CELSR2: variants seen among roughly 807,000 people sequenced by gnomAD.
The protein encoded by CELSR2 is EGF-like protein 2.
A neutral mutation model predicts 251.6 loss-of-function variants in CELSR2; 81 were observed. The observed-to-expected ratio is 0.32, with a 90% confidence interval of 0.27 to 0.39. The LOEUF (loss-of-function observed/expected upper bound fraction) is 0.39. Ranked by LOEUF, CELSR2 falls within the 10% of genes least tolerant of loss-of-function variation. CELSR2 has a pLI of 1.00. For synonymous variants in CELSR2, 1,721 were observed against 1,670.5 expected, an observed-to-expected ratio of 1.03 and a Z score of -0.74; for missense variants, 3,365 against 3,947.7, an observed-to-expected ratio of 0.85 and a Z score of 3.96.
rs1039617070 is a variant in CELSR2 at position 109,275,352 on chromosome 1, C to G, written c.*1303C>G. On this transcript the variant is annotated 3_prime_UTR_variant, in exon 34 of 34. Coordinates refer to ENST00000271332, the MANE Select transcript of CELSR2 (RefSeq NM_001408.3). Reference sequence around the variant, plus strand: ...ATCATCTCCCCACCTCTCCTCCCCTCTCCTCAGTTTTGCCGACTGCTTTTC... The same window carrying G: ...ATCATCTCCCCACCTCTCCTCCCCTGTCCTCAGTTTTGCCGACTGCTTTTC... 1 of 152,314 alleles carries G rather than the reference C, an allele frequency of 6.6e-6. No individual in the cohort carries two copies. The highest frequency in any genetic ancestry group is 1.5e-5 in the Non-Finnish European group (1 of 68,074). 9.4% of individuals were successfully genotyped at this position (152,314 alleles called of 1,614,324 possible).
chr1:109,262,753 G>A (rs899258854), intron 6 of CELSR2, 53 bp from the exon 7 acceptor site: 7 of 1,591,148 alleles, frequency 4.4e-6, no homozygotes, highest in Non-Finnish European at 6.0e-6. Context: ...AGCGAGCGGA[G>A]GACCAGAAGC....
Position 109,258,544 on chromosome 1 carries a change from C to T in CELSR2, c.3423C>T (p.Phe1141=). Residue 1141 remains phenylalanine, a synonymous_variant, in exon 2 of 34, where the codon TTC becomes TTT. Coordinates refer to ENST00000271332, the MANE Select transcript of CELSR2 (RefSeq NM_001408.3). ...LRLEDMSPER[F]LSPLLGLFIQ... is the part of the protein sequence containing the mutation. ...TGGAGGACATGTCACCCGAGCGCTT[C>T]CTGTCACCACTGCTAGGCCTCTTCA... 5 of 1,605,276 alleles carry T rather than the reference C, an allele frequency of 3.1e-6. No individual in the cohort carries two copies. Among genetic ancestry groups the T allele is most frequent in the Non-Finnish European group, 4.3e-6 (5 of 1,176,324 alleles).
intron 6 of CELSR2, 70 bp from the exon 7 acceptor site, chr1:109,262,736 G>A: frequency 6.3e-7 from 1 of 1,576,766 alleles, no homozygotes. Flanking sequence ...CTCTGGCCTG[G>A]CGGCAGAGCG....
rs759154446 is a variant in CELSR2, at chr1:109,250,505, G to T, written c.426G>T (p.Arg142=). ...AGCACCCGTGCTTAAAGGCTCCACG[G>T]CTCAGATGCCAGTCCTGCAAGCTGG... is the stretch of plus-strand genomic sequence containing the variant. The part of the protein sequence containing the change: ...PEEHPCLKAP[R]LRCQSCKLAQ... The change falls in exon 1 of 34, where the codon CGG becomes CGT. Residue 142 remains arginine, a synonymous_variant. Transcript: ENST00000271332. The surrounding 1 kb of genome is among the most constrained non-coding windows in gnomAD (Gnocchi z 4.4). 1 of 1,613,820 alleles carries T rather than the reference G, an allele frequency of 6.2e-7. No homozygotes were observed. The highest frequency in any genetic ancestry group is 8.5e-7 in the Non-Finnish European group (1 of 1,180,028).
rs199953383 is a variant in CELSR2 at position 109,271,497 on chromosome 1, C to G, written c.7788C>G (p.Thr2596=). Residue 2596 remains threonine, a synonymous_variant, in exon 27 of 34, where the codon ACC becomes ACG. Coordinates refer to ENST00000271332, the MANE Select transcript of CELSR2 (RefSeq NM_001408.3). ...DTLLFHYLFA[T]CNCIQGPFIF... is the part of the protein sequence containing the mutation. Reference sequence around the variant, plus strand: ...TCCTCTTCCACTACCTCTTTGCTACCTGCAATTGCATCCAGGTACCTGGCC... The same window carrying G: ...TCCTCTTCCACTACCTCTTTGCTACGTGCAATTGCATCCAGGTACCTGGCC... The G allele has an allele frequency of 9.0e-5, 145 of 1,614,084 alleles. No homozygotes were observed. In the Middle Eastern group the frequency reaches 1.2e-3, roughly 13 times the overall value.
In CELSR2 at chr1:109,270,408, C is replaced by G. The variant is rs375276801; in HGVS notation, c.7309-18C>G. 3.7e-6 allele frequency: 6 copies of G among 1,613,670 alleles called. No individual in the cohort carries two copies. The African/African-American group carries it at 6.7e-5, about 18-fold the overall frequency. On this transcript the variant is annotated intron_variant, in intron 23 of 33. Coordinates refer to ENST00000271332, the MANE Select transcript of CELSR2 (RefSeq NM_001408.3). ...GGGCGGGCCCCGGTCGCTGACCTGC[C>G]CTGGCCTGGGCCCTCAGTTTGCCTG...
At chr1:109,268,847 A>T (rs1232361848) in intron 18 of CELSR2, 33 bp from the exon 19 acceptor site, 3 of 1,587,030 alleles carry the variant, frequency 1.9e-6, no homozygotes, top group African/African-American at 2.7e-5. Context: ...TGCCTGCCTC[A>T]CAGGTCCGAT....
rs1350560808 is a variant in CELSR2, at chr1:109,270,035, C to T, written c.7210C>T (p.Leu2404=). Residue 2404 remains leucine, a synonymous_variant, in exon 23 of 34, where the codon CTG becomes TTG. Coordinates refer to ENST00000271332, the MANE Select transcript of CELSR2 (RefSeq NM_001408.3). ...TFFFLTLLRI[L]RSNQHGIRRN... is the part of the protein sequence containing the mutation. ...CTTCTTCCTCACTCTCTTGCGTATC[C>T]TGCGCTCCAACCAACACGGCATCCG... 6.2e-7 allele frequency: 1 copy of T among 1,614,134 alleles called. No individual in the cohort carries two copies. Among genetic ancestry groups the T allele is most frequent in the Non-Finnish European group, 8.5e-7 (1 of 1,180,032 alleles).
intron 6 of CELSR2, 111 bp downstream of exon 6, chr1:109,262,555 C>G: frequency 7.0e-7 from 1 of 1,436,788 alleles, no homozygotes; most frequent in Non-Finnish European, 9.3e-7. Flanking sequence ...CTCTCTTAGC[C>G]CCTGCTCAGC....
chr1:109,256,762 C>T (rs1431206251), intron 1 of CELSR2, among the ~76,000 whole-genome samples: 2 of 152,182 alleles, frequency 1.3e-5, no homozygotes, highest in African/African-American at 2.4e-5. Flanking sequence ...CTGCCTCAGC[C>T]TCCTGAGTAT....
chr1:109,273,803 C>G, intron 33 of CELSR2, 133 bp downstream of exon 33: 1 of 968,140 alleles, frequency 1.0e-6, no homozygotes, highest in Admixed American at 2.5e-5. Flanking sequence ...TGGCCCAGCT[C>G]CCTTACTATG....
At position 109,271,239 on chromosome 1, in the gene CELSR2, T is replaced by A; in HGVS notation, c.7619T>A (p.Leu2540Gln). 2.5e-6 allele frequency: 4 copies of A among 1,614,054 alleles called. No homozygotes were observed. In the South Asian group the frequency reaches 4.4e-5, roughly 18 times the overall value. Residue 2540 changes from leucine (L) to glutamine (Q), a missense_variant, in exon 26 of 34, where the codon CTG (leucine) becomes CAG (glutamine). This residue lies in a region of CELSR2 where 2,093 missense variants were observed against 2,382.8 expected (regional missense o/e 0.88). Coordinates refer to ENST00000271332, the MANE Select transcript of CELSR2 (RefSeq NM_001408.3). ...AVSMSVFLYI[L>Q]AARASCAAQR... ...TAGATGAGTGTCTTCCTGTACATCC[T>A]GGCGGCCCGGGCCTCCTGTGCTGCC...
chr1:109,265,147 G>A, intron 12 of CELSR2, 44 bp from the exon 13 acceptor site: 1 of 1,581,260 alleles, frequency 6.3e-7, no homozygotes, highest in Non-Finnish European at 8.6e-7. Context: ...GGTTAGGTGG[G>A]AGTGGCAGGG....
Position 109,266,126 on chromosome 1 carries a change from G to A in CELSR2, c.5933G>A (p.Arg1978Gln), listed in dbSNP as rs753007677. The change falls in exon 15 of 34, where the codon CGA (arginine) becomes CAA (glutamine). Residue 1978 changes from arginine (R) to glutamine (Q), a missense_variant. Coordinates refer to ENST00000271332, the MANE Select transcript of CELSR2 (RefSeq NM_001408.3). ...GCEVNYDSCP[R>Q]AIEAGIWWPR... is the part of the protein sequence containing the mutation. ...GCAGTGAATTATGACAGCTGCCCAC[G>A]AGCGATTGAGGCTGGGATCTGGTGG... The A allele has an allele frequency of 7.4e-6, 12 of 1,614,092 alleles. No homozygotes were observed. In the Admixed American group the frequency reaches 1.2e-4, roughly 16 times the overall value.
At position 109,262,941 on chromosome 1, in the gene CELSR2, C is replaced by T. The variant is rs569854905; in HGVS notation, c.4680C>T (p.Asp1560=). The change falls in exon 7 of 34, where the codon GAC becomes GAT. Residue 1560 remains aspartate (D), a synonymous_variant. Transcript: ENST00000271332. ...QVDSRHIDMA[D]FIANNGTVPG... Reference sequence around the variant, plus strand: ...ACAGCCGGCACATAGACATGGCTGACTTCATTGCCAACAATGGCACCGTGC... The same window carrying T: ...ACAGCCGGCACATAGACATGGCTGATTTCATTGCCAACAATGGCACCGTGC... 2.9e-5 allele frequency: 47 copies of T among 1,613,722 alleles called. No homozygotes were observed. In the Admixed American group the frequency reaches 5.2e-4, roughly 18 times the overall value.
In CELSR2 at chr1:109,251,264, T is replaced by C. The variant is rs754271169; in HGVS notation, c.1185T>C (p.Asn395=). The C allele has an allele frequency of 1.4e-5, 22 of 1,613,872 alleles. No homozygotes were observed. The highest frequency in any genetic ancestry group is 6.7e-5 in the Admixed American group (4 of 60,008). ...TTTCTGTGGAGGATGACAATGATAATGCCCCCCAGTTTAGTGAGAAGCGCT... is the reference window on the plus strand; with the variant it reads ...TTTCTGTGGAGGATGACAATGATAACGCCCCCCAGTTTAGTGAGAAGCGCT... ...VFLSVEDDND[N]APQFSEKRYV... The change falls in exon 1 of 34, where the codon AAT becomes AAC. Residue 395 remains asparagine (N), a synonymous_variant. Transcript: ENST00000271332. The surrounding 1 kb of genome is among the most constrained non-coding windows in gnomAD (Gnocchi z 4.9).
In CELSR2 at chr1:109,271,680, C is replaced by A. The variant is rs762366896; in HGVS notation, c.7884C>A (p.Pro2628=). The A allele has an allele frequency of 4.3e-6, 7 of 1,614,038 alleles. No homozygotes were observed. The highest frequency in any genetic ancestry group is 5.9e-6 in the Non-Finnish European group (7 of 1,180,050). ...KALKLACSRK[P]SPDPALTTKS... ...TCAAGCTTGCCTGCAGCCGCAAGCC[C>A]AGCCCTGACCCTGCTCTGACCACCA... is the stretch of plus-strand genomic sequence containing the variant. The change falls in exon 28 of 34, where the codon CCC becomes CCA. Residue 2628 remains proline (P), a synonymous_variant. Coordinates refer to ENST00000271332, the MANE Select transcript of CELSR2 (RefSeq NM_001408.3).
intron 1 of CELSR2, among the ~76,000 whole-genome samples, chr1:109,258,167 A>T (rs1006214992): frequency 9.9e-5 from 15 of 152,150 alleles, no homozygotes; most frequent in African/African-American, 3.1e-4. Context: ...GGAAGGGAGC[A>T]GGAGCGGTGG....
Position 109,252,204 on chromosome 1 carries a change from C to T in CELSR2, c.2125C>T (p.Arg709Cys), listed in dbSNP as rs1445530911. The T allele has an allele frequency of 1.9e-6, 3 of 1,613,768 alleles. No homozygotes were observed. The highest frequency in any genetic ancestry group is 2.2e-5 in the East Asian group (1 of 44,880). The change falls in exon 1 of 34, where the codon CGT (arginine) becomes TGT (cysteine). Residue 709 changes from arginine to cysteine, a missense_variant. Coordinates refer to ENST00000271332, the MANE Select transcript of CELSR2 (RefSeq NM_001408.3). The surrounding 1 kb of genome is among the most constrained non-coding windows in gnomAD (Gnocchi z 4.8). ...VVNVTDANTH[R>C]PVFQSSHYTV... ...GAATGTCACCGACGCCAACACCCAT[C>T]GTCCTGTCTTTCAGAGCTCCCACTA...
Sources: allele counts gnomAD v4.1 joint callset (sites outside exome capture counted in the v4.1 genomes callset), GRCh38; gene constraint gnomAD v4.1.1; regional missense constraint gnomAD v4.1.1; non-coding constraint Gnocchi (gnomAD v3.1); transcripts MANE v1.5; gene names NCBI Gene and HGNC (gene_info 2026-07-23, HGNC 2026-07-21).